Variants in THTPA observed in about 807,000 individuals in gnomAD.
THTPA encodes thiamine triphosphatase.
THTPA carries 16 observed loss-of-function variants against 16.5 expected under a neutral mutation model. The ratio of observed to expected loss-of-function variants is 0.97; its 90% CI spans 0.66 to 1.47. The LOEUF (loss-of-function observed/expected upper bound fraction) is 1.47, where lower values mean the gene tolerates loss of function less well. Among genes scored for constraint, THTPA ranks in the 40% most tolerant of loss-of-function variants. The pLI is 0.00. For synonymous variants in THTPA, 110 were observed against 115.5 expected (o/e 0.95, Z 0.30); for missense variants, 281 against 280.9 (o/e 1.00, Z 0.00).
At chr14:23,522,798 C>T in the THTPA span, 1 of 1,536,194 alleles carries the variant, frequency 6.5e-7, no homozygotes, top group Non-Finnish European at 8.7e-7. Flanking sequence ...GGGACAGGGT[C>T]AGTGGTGCCT....
chr14:23,544,910 C>T, the THTPA span, among the ~76,000 whole-genome samples: 1 of 152,078 alleles, frequency 6.6e-6, no homozygotes, highest in African/African-American at 2.4e-5. Context: ...CCTTTCCTGT[C>T]CCCCATTGTT....
At chr14:23,534,067 C>T in the THTPA span, 21 of 1,524,090 alleles carry the variant, frequency 1.4e-5, no homozygotes, top group East Asian at 7.4e-5. The surrounding 1 kb of genome is among the most constrained non-coding windows in gnomAD (Gnocchi z 4.5). Context: ...ATCAGCTAGG[C>T]GATAGGGCTG....
At chr14:23,542,639 G>A in the THTPA span, among the ~76,000 whole-genome samples, 1 of 152,132 alleles carries the variant, frequency 6.6e-6, no homozygotes, top group Non-Finnish European at 1.5e-5. Context: ...TTCTGTATGA[G>A]CACTCAGGGA....
chr14:23,556,655 TC>T lies in THTPA; in HGVS notation c.-101del. 1 of 1,278,782 alleles carries T rather than the reference TC, an allele frequency of 7.8e-7. No individual in the cohort carries two copies. The highest frequency in any genetic ancestry group is 1.1e-6 in the Non-Finnish European group (1 of 941,750). The allele number at this position is 1,278,782 out of a possible 1,614,324, so 79.2% of individuals were successfully genotyped here. ...ACACAGTGTGCCCCTCATAAGTTTT[TC>T]CAGGGAGGGGTTCTGTACTGAGTTG... On this transcript the variant is annotated 5_prime_UTR_variant, in exon 1 of 2. Transcript: ENST00000288014.
At chr14:23,527,398 G>A in the THTPA span, among the ~76,000 whole-genome samples, 1 of 152,152 alleles carries the variant, frequency 6.6e-6, no homozygotes. Flanking sequence ...ACATGCACTT[G>A]CCTGAATACT....
the THTPA span, among the ~76,000 whole-genome samples, chr14:23,515,978 T>A: frequency 9.9e-5 from 15 of 152,214 alleles, no homozygotes; most frequent in African/African-American, 3.1e-4. Context: ...CGGGGTGATG[T>A]CAGAGTAATG....
chr14:23,522,472 C>T, the THTPA span: 48 of 1,535,106 alleles, frequency 3.1e-5, no homozygotes, highest in African/African-American at 2.6e-4. Context: ...GCTGGGGTGG[C>T]GGCTGGAGGA....
At chr14:23,527,851 G>C in the THTPA span, 2 of 1,512,006 alleles carry the variant, frequency 1.3e-6, no homozygotes, top group East Asian at 2.5e-5. Flanking sequence ...GGAAGGATGG[G>C]ACCCACCATC....
chr14:23,538,810 G>T, the THTPA span, among the ~76,000 whole-genome samples: 1 of 152,158 alleles, frequency 6.6e-6, no homozygotes, highest in Non-Finnish European at 1.5e-5. Flanking sequence ...AGGGCTGGGG[G>T]CCTCTGTGAA....
chr14:23,534,163 G>C, the THTPA span: 21 of 1,472,768 alleles, frequency 1.4e-5, no homozygotes, highest in Admixed American at 2.8e-4. The surrounding 1 kb of genome is among the most constrained non-coding windows in gnomAD (Gnocchi z 4.5). Context: ...TTGGTTGAGT[G>C]GGGGGCAGAG....
the THTPA span, chr14:23,525,266 G>C: frequency 3.3e-6 from 5 of 1,535,990 alleles, no homozygotes; most frequent in South Asian, 1.2e-5. The surrounding 1 kb of genome is among the most constrained non-coding windows in gnomAD (Gnocchi z 5.9). Flanking sequence ...GGTCCCCCCT[G>C]CCTCAGGCTC....
the THTPA span, chr14:23,523,932 G>T: frequency 2.1e-5 from 32 of 1,536,112 alleles, no homozygotes; most frequent in Middle Eastern, 3.3e-4. This position sits in a 1 kb window ranked among gnomAD's most constrained non-coding sequence, Gnocchi z 4.1. Context: ...TCCTCACTGG[G>T]TGGAGGGGGA....
the THTPA span, chr14:23,511,944 A>G: frequency 1.3e-5 from 2 of 151,918 alleles, no homozygotes; most frequent in Middle Eastern, 6.8e-3. Context: ...CCCCGCCCCA[A>G]CCTGTCCATC....
At chr14:23,519,896 A>G in the THTPA span, among the ~76,000 whole-genome samples, 3 of 152,186 alleles carry the variant, frequency 2.0e-5, no homozygotes, top group Middle Eastern at 3.2e-3. Flanking sequence ...TGGAGGGGAG[A>G]GAGGATGGAA....
the THTPA span, chr14:23,535,500 C>A: frequency 2.6e-5 from 17 of 649,952 alleles, 1 homozygote; most frequent in African/African-American, 2.4e-4. This position sits in a 1 kb window ranked among gnomAD's most constrained non-coding sequence, Gnocchi z 4.5. Flanking sequence ...ACTTTGCTAA[C>A]CTGAAATTTC....
chr14:23,547,155 CA>C, the THTPA span, among the ~76,000 whole-genome samples: 2 of 152,228 alleles, frequency 1.3e-5, no homozygotes, highest in African/African-American at 2.4e-5. Flanking sequence ...AGTCTTTCAA[CA>C]ATGGAGAGTC....
At chr14:23,523,381 C>T in the THTPA span, 1 of 1,494,830 alleles carries the variant, frequency 6.7e-7, no homozygotes, top group Non-Finnish European at 8.9e-7. The surrounding 1 kb of genome is among the most constrained non-coding windows in gnomAD (Gnocchi z 4.1). Context: ...AGTCGTAGCA[C>T]TTGCTTTCAC....
chr14:23,523,174 G>T, the THTPA span: 104 of 1,413,446 alleles, frequency 7.4e-5, 1 homozygote, highest in East Asian at 2.5e-3. This position sits in a 1 kb window ranked among gnomAD's most constrained non-coding sequence, Gnocchi z 4.1. Flanking sequence ...GTTCTCTGAA[G>T]TCCAGCTCCT....
At chr14:23,555,250 C>T (rs998865774), upstream of THTPA, among the ~76,000 whole-genome samples, 2 of 152,154 alleles carry the variant, frequency 1.3e-5, no homozygotes, top group South Asian at 2.1e-4. Context: ...TCACCTGCCT[C>T]GGCTTCCCAA....
Sources: allele counts gnomAD v4.1 joint callset (sites outside exome capture counted in the v4.1 genomes callset), GRCh38; gene constraint gnomAD v4.1.1; non-coding constraint Gnocchi (gnomAD v3.1); transcripts MANE v1.5; gene names NCBI Gene and HGNC (gene_info 2026-07-23, HGNC 2026-07-21).